The following STXBP5L variants were observed in gnomAD, a reference collection of about 807,000 sequenced individuals.
STXBP5L encodes the protein syntaxin-binding protein 5-like.
A neutral mutation model predicts 144.5 loss-of-function variants in STXBP5L; 65 were observed. The observed-to-expected ratio is 0.45, with a 90% CI of 0.37 to 0.55. STXBP5L has a LOEUF of 0.55. Among genes scored for constraint, STXBP5L ranks in the 20% least tolerant of loss-of-function variants. STXBP5L has a pLI of 0.00. For missense variants in STXBP5L, 1,298 were observed against 1,405.5 expected, an observed-to-expected ratio of 0.92 and a Z score of 1.22; for synonymous variants, 505 against 469.6, an observed-to-expected ratio of 1.08 and a Z score of -0.97.
chr3:120,922,745 G>A (rs557499402), intron 2 of STXBP5L, among the ~76,000 whole-genome samples: 2 of 151,914 alleles, frequency 1.3e-5, no homozygotes, highest in African/African-American at 2.4e-5. Flanking sequence ...GGTTGTGTTA[G>A]TGTGATATAT....
At chr3:121,346,080 A>G (rs13068689) in intron 20 of STXBP5L, among the ~76,000 whole-genome samples, 134 of 151,588 alleles carry the variant, frequency 8.8e-4, no homozygotes, top group Non-Finnish European at 1.8e-3. Flanking sequence ...CATTAGGTAT[A>G]TCTCCTAATG....
At chr3:121,033,441 G>A (rs1291686510) in intron 3 of STXBP5L, among the ~76,000 whole-genome samples, 1 of 115,962 alleles carries the variant, frequency 8.6e-6, no homozygotes, top group Non-Finnish European at 1.7e-5. Context: ...GGAGGGGGGA[G>A]GGATAGCATT....
intron 11 of STXBP5L, among the ~76,000 whole-genome samples, chr3:121,223,723 A>T (rs1414457062): frequency 1.3e-5 from 2 of 152,178 alleles, no homozygotes; most frequent in African/African-American, 4.8e-5. Flanking sequence ...TATACTGAAT[A>T]TAAAGACTTT....
intron 20 of STXBP5L, among the ~76,000 whole-genome samples, chr3:121,356,386 C>A (rs970284049): frequency 6.6e-6 from 1 of 152,250 alleles, no homozygotes; most frequent in African/African-American, 2.4e-5. Context: ...CCTACTGAAG[C>A]CTCAGCAATG....
At chr3:121,269,579 T>G (rs1225943138) in intron 18 of STXBP5L, among the ~76,000 whole-genome samples, 1 of 152,192 alleles carries the variant, frequency 6.6e-6, no homozygotes, top group Non-Finnish European at 1.5e-5. Flanking sequence ...TGGCAGATGG[T>G]ACTTGCATGT....
chr3:121,206,929 T>G (rs1431418782), intron 10 of STXBP5L, among the ~76,000 whole-genome samples: 2 of 152,206 alleles, frequency 1.3e-5, no homozygotes, highest in African/African-American at 4.8e-5. Context: ...GCCTAAACAT[T>G]AAATTTATTT....
chr3:120,952,604 G>C (rs1233726462), intron 2 of STXBP5L, among the ~76,000 whole-genome samples: 1 of 151,946 alleles, frequency 6.6e-6, no homozygotes, highest in African/African-American at 2.4e-5. Context: ...GCAACATGGT[G>C]AATCAAGACA....
chr3:121,346,803 G>C (rs1331220628), intron 20 of STXBP5L, among the ~76,000 whole-genome samples: 1 of 152,096 alleles, frequency 6.6e-6, no homozygotes, highest in Non-Finnish European at 1.5e-5. Flanking sequence ...GGAGTTGTTT[G>C]TTGTTTTCTT....
chr3:121,177,404 TCAA>T (rs571993642), intron 9 of STXBP5L, among the ~76,000 whole-genome samples: 172 of 152,096 alleles, frequency 1.1e-3, no homozygotes, highest in African/African-American at 1.5e-3. Flanking sequence ...TTCCTACAAC[TCAA>T]CAACAACAAC....
intron 2 of STXBP5L, among the ~76,000 whole-genome samples, 165 bp from the exon 3 acceptor site, chr3:120,954,775 G>A (rs1365350006): frequency 6.6e-6 from 1 of 151,904 alleles, no homozygotes; most frequent in African/African-American, 2.4e-5. Context: ...ACTCCCATCA[G>A]CAATGTATGA....
At chr3:121,142,259 G>A (rs1462004483) in intron 7 of STXBP5L, among the ~76,000 whole-genome samples, 1 of 151,412 alleles carries the variant, frequency 6.6e-6, no homozygotes, top group African/African-American at 2.4e-5. Context: ...AAATATATAA[G>A]GCAAATATTG....
At chr3:121,247,386 A>T (rs1488903666) in intron 14 of STXBP5L, among the ~76,000 whole-genome samples, 1 of 152,176 alleles carries the variant, frequency 6.6e-6, no homozygotes, top group African/African-American at 2.4e-5. Context: ...TCAGGGATAC[A>T]TGTGTAGGAT....
intron 10 of STXBP5L, among the ~76,000 whole-genome samples, chr3:121,209,818 A>G (rs541457029): frequency 6.8e-4 from 104 of 152,194 alleles, no homozygotes; most frequent in Non-Finnish European, 1.2e-3. Context: ...ACATTTTCTT[A>G]ATCCAGTCTA....
At chr3:121,188,683 T>C (rs1015335850) in intron 9 of STXBP5L, among the ~76,000 whole-genome samples, 4 of 152,150 alleles carry the variant, frequency 2.6e-5, no homozygotes, top group African/African-American at 7.2e-5. Flanking sequence ...TAATCCAGCA[T>C]ATAAAGAGAA....
intron 9 of STXBP5L, among the ~76,000 whole-genome samples, chr3:121,191,699 G>A (rs182316523): frequency 1.6e-4 from 24 of 152,204 alleles, no homozygotes; most frequent in Middle Eastern, 3.4e-3. Context: ...TCTCCAACCC[G>A]AATGTCCATC....
chr3:121,378,884 A>G lies in STXBP5L; in HGVS notation c.2345A>G (p.Glu782Gly). The change falls in exon 21 of 27, where the codon GAA becomes GGA. Residue 782 changes from glutamate to glycine, a missense_variant and splice_region_variant. By Grantham distance (98) the Glu-to-Gly change is moderately conservative. Coordinates refer to ENST00000471454, the MANE Select transcript of STXBP5L (RefSeq NM_001308330.2). ...CMEISLPVTT[E>G]ENRENSYNRS... ...GAGATTTCTTTACCAGTTACAACAG[A>G]AGGTATGTTAAACATATTAAATTTT... The G allele has an allele frequency of 6.2e-7, 1 of 1,612,042 alleles. No individual in the cohort carries two copies. Among genetic ancestry groups the G allele is most frequent in the Non-Finnish European group, 8.5e-7 (1 of 1,179,030 alleles).
intron 10 of STXBP5L, among the ~76,000 whole-genome samples, chr3:121,206,795 C>T (rs1388297537): frequency 2.6e-5 from 4 of 152,110 alleles, no homozygotes; most frequent in African/African-American, 9.7e-5. Flanking sequence ...ACCTGTGCAA[C>T]AGAGCGAGAC....
At chr3:121,072,841 T>A (rs1227160292) in intron 5 of STXBP5L, among the ~76,000 whole-genome samples, 1 of 152,202 alleles carries the variant, frequency 6.6e-6, no homozygotes, top group East Asian at 1.9e-4. Flanking sequence ...ATTTTTGATT[T>A]CCTTTCCTTC....
chr3:121,416,855 G>T (rs1012016580), intron 25 of STXBP5L, among the ~76,000 whole-genome samples: 1 of 152,086 alleles, frequency 6.6e-6, no homozygotes, highest in Admixed American at 6.6e-5. Flanking sequence ...AATTTTCAGA[G>T]AGAAGGTATG....
Sources: allele counts gnomAD v4.1 joint callset (sites outside exome capture counted in the v4.1 genomes callset), GRCh38; gene constraint gnomAD v4.1.1; transcripts MANE v1.5; gene names NCBI Gene and HGNC (gene_info 2026-07-23, HGNC 2026-07-21).